Variants in MAGI2 observed in about 807,000 individuals in gnomAD.
MAGI2 encodes the protein membrane-associated guanylate kinase, WW and PDZ domain-containing protein 2.
MAGI2 carries 35 observed loss-of-function variants against 133.3 expected under a neutral mutation model. The ratio of observed to expected loss-of-function variants is 0.26; its 90% CI spans 0.20 to 0.35. MAGI2 has a LOEUF of 0.35. MAGI2 is among the 10% of genes least tolerant of loss of function. The pLI is 1.00. For synonymous variants in MAGI2, 729 were observed against 710.6 expected (o/e 1.03, Z -0.41); for missense variants, 1,636 against 1,863.4 (o/e 0.88, Z 2.25).
At chr7:78,510,108 T>A (rs1039649417) in intron 4 of MAGI2, among the ~76,000 whole-genome samples, 1 of 152,204 alleles carries the variant, frequency 6.6e-6, no homozygotes, top group Non-Finnish European at 1.5e-5. Context: ...ATATTTGTAG[T>A]TCATAAAGAG....
At chr7:78,940,798 C>T (rs948397814) in intron 2 of MAGI2, 16 of 152,118 alleles carry the variant, frequency 1.1e-4, no homozygotes, top group African/African-American at 3.6e-4. Flanking sequence ...TCAGAAGGTC[C>T]CCAGAAAATG....
chr7:78,175,495 T>C (rs1826506237), intron 14 of MAGI2, among the ~76,000 whole-genome samples: 1 of 152,156 alleles, frequency 6.6e-6, no homozygotes. Flanking sequence ...CTACTGTCAC[T>C]TGCTGCCTCC....
chr7:79,405,628 T>C (rs754172296), intron 1 of MAGI2, among the ~76,000 whole-genome samples: 2 of 152,138 alleles, frequency 1.3e-5, no homozygotes, highest in Non-Finnish European at 2.9e-5. Flanking sequence ...GTAGAGAGAT[T>C]ACCATTGTAC....
At chr7:78,552,030 C>G (rs989191702) in intron 3 of MAGI2, among the ~76,000 whole-genome samples, 3 of 152,098 alleles carry the variant, frequency 2.0e-5, no homozygotes, top group African/African-American at 7.2e-5. Context: ...TAGGCATAAG[C>G]CACTGCATCC....
rs562086558 is a variant in MAGI2 at position 78,974,883 on chromosome 7, C to T, written c.418+32207G>A. Reference sequence around the variant, plus strand: ...TAACAATTATCGAAAGTTTGACTACCTATATTACTTTTAAACAAAGTTGAC... The same window carrying T: ...TAACAATTATCGAAAGTTTGACTACTTATATTACTTTTAAACAAAGTTGAC... On this transcript the variant is annotated intron_variant, in intron 2 of 21. Coordinates refer to ENST00000354212, the MANE Select transcript of MAGI2 (RefSeq NM_012301.4). Among the ~76,000 whole-genome samples the T allele has an allele frequency of 9.2e-5, 14 of 151,794 alleles. No individual in the cohort carries two copies. The East Asian group carries it at 2.3e-3, about 25-fold the overall frequency.
chr7:79,284,128 A>AT (rs978402949), intron 1 of MAGI2, among the ~76,000 whole-genome samples: 3 of 152,036 alleles, frequency 2.0e-5, no homozygotes, highest in Non-Finnish European at 4.4e-5. Flanking sequence ...CTAATGATGC[A>AT]TTTTTTCAGA....
chr7:78,340,975 A>G (rs957222110), intron 9 of MAGI2, among the ~76,000 whole-genome samples: 6 of 152,204 alleles, frequency 3.9e-5, no homozygotes, highest in Admixed American at 1.3e-4. Flanking sequence ...GGCAAAAGAA[A>G]GAAATAAAGC....
At chr7:78,176,940 CACACACACACAT>C (rs1473916660) in intron 14 of MAGI2, among the ~76,000 whole-genome samples, 5 of 148,166 alleles carry the variant, frequency 3.4e-5, no homozygotes, top group South Asian at 2.2e-4. Context: ...CACACACACA[CACACACACACAT>C]ATATAGTATA....
chr7:78,983,729 T>G (rs1683214912), intron 2 of MAGI2, among the ~76,000 whole-genome samples: 2 of 152,134 alleles, frequency 1.3e-5, no homozygotes, highest in South Asian at 4.1e-4. Context: ...TTCTTCATTT[T>G]GAAACATTTT....
chr7:78,838,028 T>C (rs1019931205), intron 2 of MAGI2, among the ~76,000 whole-genome samples: 1 of 152,142 alleles, frequency 6.6e-6, no homozygotes, highest in African/African-American at 2.4e-5. Flanking sequence ...CTCTTTGACA[T>C]TGTAGATTGA....
At chr7:78,515,138 T>A (rs1795931188) in intron 4 of MAGI2, among the ~76,000 whole-genome samples, 1 of 152,176 alleles carries the variant, frequency 6.6e-6, no homozygotes, top group South Asian at 2.1e-4. Context: ...TCCGGAAAAG[T>A]TTAGCAGGTA....
chr7:79,146,422 C>G (rs1452326502), intron 1 of MAGI2, among the ~76,000 whole-genome samples: 1 of 152,128 alleles, frequency 6.6e-6, no homozygotes, highest in Non-Finnish European at 1.5e-5. Flanking sequence ...TATCCTGTGT[C>G]CTTTGCCTCC....
chr7:79,030,418 A>C (rs17472118), intron 1 of MAGI2: 3,447 of 152,320 alleles, frequency 0.023, 46 homozygotes, highest in South Asian at 0.056. Context: ...GACACAGATT[A>C]GATTTTGGGA....
chr7:78,130,863 A>C (rs1024017715), intron 18 of MAGI2, among the ~76,000 whole-genome samples: 1 of 152,208 alleles, frequency 6.6e-6, no homozygotes, highest in Non-Finnish European at 1.5e-5. Context: ...TCCAAAGACC[A>C]CTGCTTCTGT....
At chr7:78,679,636 T>C (rs548273912) in intron 2 of MAGI2, among the ~76,000 whole-genome samples, 2 of 152,284 alleles carry the variant, frequency 1.3e-5, no homozygotes, top group African/African-American at 2.4e-5. Flanking sequence ...TCTGACGAAG[T>C]GACAGGCAAA....
At chr7:78,153,649 G>A (rs993810355) in intron 16 of MAGI2, among the ~76,000 whole-genome samples, 2 of 152,140 alleles carry the variant, frequency 1.3e-5, no homozygotes, top group African/African-American at 4.8e-5. Flanking sequence ...AAAGGTAAAA[G>A]TAATAAAAGT....
chr7:79,013,880 T>C (rs1471590090), intron 1 of MAGI2, among the ~76,000 whole-genome samples: 3 of 152,196 alleles, frequency 2.0e-5, no homozygotes, highest in Admixed American at 2.0e-4. Flanking sequence ...GAAGATGCCC[T>C]GGTTTGTTAG....
In MAGI2 at chr7:78,162,254, G is replaced by A. The variant is rs116523058; in HGVS notation, c.2597-1981C>T. Among the ~76,000 whole-genome samples the A allele has an allele frequency of 7.8e-3, 1,189 of 152,058 alleles. 13 individuals carry two copies. Among genetic ancestry groups the A allele is most frequent in the African/African-American group, 0.027 (1,115 of 41,476 alleles). On this transcript the variant is annotated intron_variant, in intron 15 of 21. Coordinates refer to ENST00000354212, the MANE Select transcript of MAGI2 (RefSeq NM_012301.4). The stretch of plus-strand genomic sequence containing the variant: ...TAAGTCAGCAAGAAAGAAGAAGCGC[G>A]GTGGCTCACGCCTGTAATCCCAGCA...
chr7:79,263,227 C>G (rs1187404941), intron 1 of MAGI2, among the ~76,000 whole-genome samples: 1 of 152,082 alleles, frequency 6.6e-6, no homozygotes, highest in Non-Finnish European at 1.5e-5. Context: ...TACAGAGGAC[C>G]TTCTACGGTA....
Sources: allele counts gnomAD v4.1 joint callset (sites outside exome capture counted in the v4.1 genomes callset), GRCh38; gene constraint gnomAD v4.1.1; transcripts MANE v1.5; gene names NCBI Gene and HGNC (gene_info 2026-07-23, HGNC 2026-07-21).